The following MICAL2 variants were observed in gnomAD, a reference collection of about 807,000 sequenced individuals.
MICAL2 encodes [F-actin]-monooxygenase MICAL2.
In MICAL2, 77 loss-of-function variants were observed where a neutral mutation model predicts 127.3. That is an observed-to-expected ratio of 0.60 (90% CI 0.50 to 0.73). The LOEUF (loss-of-function observed/expected upper bound fraction) is 0.73. Ranked by LOEUF, MICAL2 falls within the 30% of genes least tolerant of loss-of-function variation. The pLI, the probability that MICAL2 is intolerant of heterozygous loss-of-function variation, is 0.00. For missense variants in MICAL2, 1,351 were observed against 1,434.4 expected, an observed-to-expected ratio of 0.94 and a Z score of 0.94; for synonymous variants, 570 against 551.1, an observed-to-expected ratio of 1.03 and a Z score of -0.48.
Position 12,334,000 on chromosome 11 carries a change from G to A in MICAL2, c.5515+6734G>A, listed in dbSNP as rs996507184. Among the ~76,000 whole-genome samples the A allele has an allele frequency of 5.9e-5, 9 of 152,026 alleles. 1 individual carries two copies. The highest frequency in any genetic ancestry group is 6.3e-3 in the Middle Eastern group (2 of 316). ...AAAAAATGAAATTGAGTCTTGTTTC[G>A]TACCATACAAACAAATCAATTCCAT... On this transcript the variant is annotated intron_variant, in intron 32 of 34. Transcript: ENST00000646065.
intron 33 of MICAL2, among the ~76,000 whole-genome samples, chr11:12,352,267 C>T (rs1939062497): frequency 6.6e-6 from 1 of 152,180 alleles, no homozygotes; most frequent in South Asian, 2.1e-4. Context: ...ATTTATCAAG[C>T]ACATTCTGTG....
At chr11:12,342,014 G>T (rs903012445) in intron 32 of MICAL2, among the ~76,000 whole-genome samples, 3 of 152,168 alleles carry the variant, frequency 2.0e-5, no homozygotes, top group Non-Finnish European at 4.4e-5. Flanking sequence ...GTCACTTTGT[G>T]TTGGGTTTTG....
chr11:12,354,788 C>G lies in MICAL2; in HGVS notation c.5620C>G (p.Gln1874Glu), dbSNP rs777990350. 1.9e-6 allele frequency: 3 copies of G among 1,613,952 alleles called. No homozygotes were observed. Among genetic ancestry groups the G allele is most frequent in the Middle Eastern group, 1.6e-4 (1 of 6,062 alleles). ...TTTGAACATTTTCTCACCCAGGGCCCAGGAACTGGAATTAGAAGATCATCA... is the reference window on the plus strand; with the variant it reads ...TTTGAACATTTTCTCACCCAGGGCCGAGGAACTGGAATTAGAAGATCATCA... The change falls in exon 34 of 35, where the codon CAG becomes GAG. Residue 1874 changes from glutamine to glutamate, a missense_variant. Transcript: ENST00000646065.
At chr11:12,292,009 G>C, downstream of MICAL2, 1 of 1,125,546 alleles carries the variant, frequency 8.9e-7, no homozygotes, top group Admixed American at 2.3e-5. Flanking sequence ...TTGGGCACCA[G>C]GAACCTCTGA....
At chr11:12,261,039 C>T in intron 26 of MICAL2, 1 of 985,582 alleles carries the variant, frequency 1.0e-6, no homozygotes, top group Non-Finnish European at 1.2e-6. Flanking sequence ...GATCCCCCAG[C>T]CCGGGCTGCA....
At chr11:12,262,312 T>G in intron 26 of MICAL2, 168 bp from the exon 27 acceptor site, 1 of 1,458,274 alleles carries the variant, frequency 6.9e-7, no homozygotes, top group Non-Finnish European at 9.0e-7. Context: ...AAGGTTCATC[T>G]CTCCTAAGCA....
At chr11:12,171,838 T>C (rs1856294692) in intron 3 of MICAL2, among the ~76,000 whole-genome samples, 1 of 152,244 alleles carries the variant, frequency 6.6e-6, no homozygotes, top group Non-Finnish European at 1.5e-5. Context: ...ATTAGCCACA[T>C]TTTAGAAATA....
intron 1 of MICAL2, among the ~76,000 whole-genome samples, chr11:12,124,263 CCT>C (rs1178893060): frequency 1.1e-4 from 16 of 152,108 alleles, no homozygotes; most frequent in African/African-American, 3.6e-4. Context: ...CGAAGGGACC[CCT>C]CTGTCACACT....
At chr11:12,322,215 C>T (rs1864307389) in intron 30 of MICAL2, among the ~76,000 whole-genome samples, 1 of 152,118 alleles carries the variant, frequency 6.6e-6, no homozygotes, top group Non-Finnish European at 1.5e-5. Flanking sequence ...AATGGAAGCT[C>T]AAGGGGCAGT....
In MICAL2 at chr11:12,152,952, GT is replaced by G. The variant is rs796764843; in HGVS notation, c.-77-9116del. Among the ~76,000 whole-genome samples the G allele has an allele frequency of 7.4e-3, 1,068 of 144,930 alleles. 15 individuals carry two copies. Among genetic ancestry groups the G allele is most frequent in the East Asian group, 0.055 (276 of 5,016 alleles). On this transcript the variant is annotated intron_variant, in intron 2 of 27. Coordinates refer to ENST00000683283, the MANE Select transcript of MICAL2 (RefSeq NM_001282663.2). ...TGGTGATGGTGGTAGTGGTGGTAGGGTTTTTTTTTTTGTTTGCATTTTATTA... is the reference window on the plus strand; with the variant it reads ...TGGTGATGGTGGTAGTGGTGGTAGGGTTTTTTTTTTGTTTGCATTTTATTA...
intron 1 of MICAL2, among the ~76,000 whole-genome samples, chr11:12,130,944 A>G (rs1851362141): frequency 6.6e-6 from 1 of 152,124 alleles, no homozygotes; most frequent in Admixed American, 6.5e-5. Context: ...TCCCTCTGTG[A>G]TGGTCGCATG....
chr11:12,222,596 C>A lies in MICAL2; in HGVS notation c.1323-21C>A, dbSNP rs763560458. ...AGGTGGCAAAAGTGATCCCTGACCTCCAGGCTCCGCCTCCCTCCAGGGAAA... is the reference window on the plus strand; with the variant it reads ...AGGTGGCAAAAGTGATCCCTGACCTACAGGCTCCGCCTCCCTCCAGGGAAA... On this transcript the variant is annotated intron_variant, in intron 10 of 27. Coordinates refer to ENST00000683283, the MANE Select transcript of MICAL2 (RefSeq NM_001282663.2). 1.9e-6 allele frequency: 3 copies of A among 1,614,018 alleles called. No homozygotes were observed. The African/African-American group carries it at 4.0e-5, about 22-fold the overall frequency.
At chr11:12,174,768 C>T (rs894797550) in intron 3 of MICAL2, among the ~76,000 whole-genome samples, 3 of 152,020 alleles carry the variant, frequency 2.0e-5, no homozygotes, top group South Asian at 2.1e-4. Flanking sequence ...TTCCATTTAC[C>T]CTTATATTTT....
At chr11:12,302,953 C>A (rs1864064858) in intron 29 of MICAL2, among the ~76,000 whole-genome samples, 1 of 152,166 alleles carries the variant, frequency 6.6e-6, no homozygotes. Context: ...AATCACAGTT[C>A]CACATTGCCA....
intron 32 of MICAL2, among the ~76,000 whole-genome samples, chr11:12,338,553 T>C (rs544918598): frequency 8.9e-4 from 136 of 152,350 alleles, no homozygotes; most frequent in South Asian, 1.9e-3. Flanking sequence ...CTAGCCTTGA[T>C]GGTCTTTACA....
intron 15 of MICAL2, among the ~76,000 whole-genome samples, chr11:12,235,433 A>T (rs1241004363): frequency 6.6e-6 from 1 of 152,038 alleles, no homozygotes; most frequent in Non-Finnish European, 1.5e-5. Context: ...TATCATCTAA[A>T]CCAGGAGACT....
intron 34 of MICAL2, among the ~76,000 whole-genome samples, chr11:12,355,927 A>C (rs1259262347): frequency 6.7e-6 from 1 of 149,974 alleles, no homozygotes; most frequent in East Asian, 2.0e-4. Context: ...AGATGGGTCC[A>C]TCCACGACAA....
chr11:12,286,014 C>T (rs947160127), intron 2 of MICAL2, among the ~76,000 whole-genome samples: 1 of 152,236 alleles, frequency 6.6e-6, no homozygotes, highest in Middle Eastern at 3.2e-3. Flanking sequence ...AATGCATCTG[C>T]AGGCCTTGCC....
chr11:12,312,338 CTTT>C (rs141672182), intron 29 of MICAL2, among the ~76,000 whole-genome samples: 1 of 142,384 alleles, frequency 7.0e-6, no homozygotes, highest in Non-Finnish European at 1.5e-5. Context: ...CATTTCTCAA[CTTT>C]TTTTTTTTTT....
Sources: allele counts gnomAD v4.1 joint callset (sites outside exome capture counted in the v4.1 genomes callset), GRCh38; gene constraint gnomAD v4.1.1; transcripts MANE v1.5; gene names NCBI Gene and HGNC (gene_info 2026-07-23, HGNC 2026-07-21).